INCENP: variants seen among roughly 807,000 people sequenced by gnomAD.
The protein encoded by INCENP is binds and activates aurora-B and -C in vivo and in vitro.
INCENP carries 43 observed loss-of-function variants against 107.3 expected under a neutral mutation model. That is an observed-to-expected ratio of 0.40 (90% CI 0.31 to 0.52). The LOEUF is 0.52. INCENP is among the 20% of genes least tolerant of loss of function. The pLI is 0.53. For synonymous variants in INCENP, 488 were observed against 494.4 expected (o/e 0.99, Z 0.17); for missense variants, 1,089 against 1,250.9 (o/e 0.87, Z 1.95).
rs1046183168 is a variant in INCENP at position 62,152,315 on chromosome 11, A to G, written c.*339A>G. On this transcript the variant is annotated 3_prime_UTR_variant, in exon 19 of 19. Coordinates refer to ENST00000394818, the MANE Select transcript of INCENP (RefSeq NM_001040694.2). Reference sequence around the variant, plus strand: ...CGTTTGGGAGGTAGATTAATAAAGTATATTCCTTCAAGCCTGCTGTTGATA... The same window carrying G: ...CGTTTGGGAGGTAGATTAATAAAGTGTATTCCTTCAAGCCTGCTGTTGATA... The G allele has an allele frequency of 2.8e-5, 9 of 326,666 alleles. No individual in the cohort carries two copies. The highest frequency in any genetic ancestry group is 1.7e-4 in the African/African-American group (8 of 46,640). The allele number at this position is 326,666 out of a possible 1,614,324, so 20.2% of individuals were successfully genotyped here. A position where few individuals can be genotyped will look rare whatever the true frequency, so the allele number is the denominator to read the frequency against.
At chr11:62,137,764 TG>T in intron 4 of INCENP, 67 bp from the exon 5 acceptor site, 1 of 1,463,110 alleles carries the variant, frequency 6.8e-7, no homozygotes, top group Non-Finnish European at 9.6e-7. Flanking sequence ...CCCGGTCCCC[TG>T]GACCCCTTAG....
At chr11:62,139,473 C>G (rs3781973) in intron 7 of INCENP, among the ~76,000 whole-genome samples, 42,814 of 152,108 alleles carry the variant, frequency 0.28, 6,531 homozygotes, top group South Asian at 0.4. Context: ...CTCACATCTC[C>G]CTGAGAAGGG....
At chr11:62,132,547 C>T (rs60379502) in intron 4 of INCENP, among the ~76,000 whole-genome samples, 1 of 152,202 alleles carries the variant, frequency 6.6e-6, no homozygotes, top group Admixed American at 6.5e-5. Context: ...TGGAGATTTT[C>T]TCAGGCCTGG....
rs1944388933 is a variant in INCENP at position 62,152,096 on chromosome 11, A to G, written c.*120A>G. 2 of 510,286 alleles carry G rather than the reference A, an allele frequency of 3.9e-6. No homozygotes were observed. The highest frequency in any genetic ancestry group is 3.0e-6 in the Non-Finnish European group (1 of 329,752). The allele number at this position is 510,286 out of a possible 1,614,324, so 31.6% of individuals were successfully genotyped here. A position where few individuals can be genotyped will look rare whatever the true frequency, so the allele number is the denominator to read the frequency against. On this transcript the variant is annotated 3_prime_UTR_variant, in exon 19 of 19. Coordinates refer to ENST00000394818, the MANE Select transcript of INCENP (RefSeq NM_001040694.2). ...GCATGCCATTGTGGAGGGCTTGGCC[A>G]GGTGTATATAAACGTCCTCTGTGCT...
chr11:62,128,425 T>G, intron 2 of INCENP, 124 bp downstream of exon 2: 1 of 1,008,454 alleles, frequency 9.9e-7, no homozygotes, highest in Non-Finnish European at 1.5e-6. Context: ...CAGGGCTCCC[T>G]GCTGTATACT....
At chr11:62,135,224 G>A (rs1943966396) in intron 4 of INCENP, among the ~76,000 whole-genome samples, 1 of 152,124 alleles carries the variant, frequency 6.6e-6, no homozygotes, top group Admixed American at 6.6e-5. Flanking sequence ...AAACCATGTT[G>A]CTGATTCCAC....
At chr11:62,147,877 G>A (rs1944287197) in intron 15 of INCENP, among the ~76,000 whole-genome samples, 1 of 152,166 alleles carries the variant, frequency 6.6e-6, no homozygotes, top group African/African-American at 2.4e-5. Flanking sequence ...CGGTGTGATA[G>A]TCATAGTGTC....
chr11:62,128,165 G>A lies in INCENP; in HGVS notation c.4G>A (p.Gly2Arg), dbSNP rs751178615. 49 of 1,614,020 alleles carry A rather than the reference G, an allele frequency of 3.0e-5. No individual in the cohort carries two copies. The highest frequency in any genetic ancestry group is 3.7e-5 in the Non-Finnish European group (44 of 1,180,018). Residue 2 changes from glycine to arginine, a missense_variant, in exon 2 of 19, where the codon GGG becomes AGG. Coordinates refer to ENST00000394818, the MANE Select transcript of INCENP (RefSeq NM_001040694.2). M[G>R]TTAPGPIHLL... ...GCCTTCACCAGACAGAGCCACCATG[G>A]GGACGACGGCCCCAGGGCCCATTCA...
At chr11:62,143,705 T>C (rs1944173946) in intron 11 of INCENP, among the ~76,000 whole-genome samples, 3 of 152,128 alleles carry the variant, frequency 2.0e-5, no homozygotes, top group Admixed American at 2.0e-4. Context: ...CCAGTTAGGC[T>C]CAGAAGCCAA....
At chr11:62,135,955 G>A (rs1020432363) in intron 4 of INCENP, among the ~76,000 whole-genome samples, 3 of 152,016 alleles carry the variant, frequency 2.0e-5, no homozygotes, top group South Asian at 2.1e-4. Flanking sequence ...GACTACAGGC[G>A]CCCACCACTA....
intron 3 of INCENP, among the ~76,000 whole-genome samples, chr11:62,129,448 G>T (rs1013997372): frequency 1.3e-5 from 2 of 152,200 alleles, no homozygotes; most frequent in Admixed American, 1.3e-4. Context: ...TCTCAAGGGC[G>T]TGCTCTGGAT....
Position 62,145,305 on chromosome 11 carries a change from G to A in INCENP, c.1836+16G>A, listed in dbSNP as rs901766995. The A allele has an allele frequency of 6.2e-7, 1 of 1,613,528 alleles. No homozygotes were observed. The highest frequency in any genetic ancestry group is 8.5e-7 in the Non-Finnish European group (1 of 1,179,934). The stretch of plus-strand genomic sequence containing the variant: ...GACTGAGAAGGTGGGAGCCTGGGCT[G>A]TGGAGGCCCAGGCAATTCAGGACTT... On this transcript the variant is annotated intron_variant, in intron 13 of 18. Transcript: ENST00000394818.
At chr11:62,127,562 T>G (rs1256640959) in intron 1 of INCENP, among the ~76,000 whole-genome samples, 2 of 152,212 alleles carry the variant, frequency 1.3e-5, no homozygotes, top group Non-Finnish European at 2.9e-5. Context: ...GATCACTACT[T>G]TCTCACTCAT....
intron 18 of INCENP, among the ~76,000 whole-genome samples, chr11:62,150,839 C>A (rs1311429229): frequency 2.0e-5 from 3 of 152,086 alleles, no homozygotes; most frequent in Non-Finnish European, 4.4e-5. Flanking sequence ...CCCGTGGGTA[C>A]CATGGGTGCC....
At position 62,149,934 on chromosome 11, in the gene INCENP, A is replaced by C. The variant is rs192691995; in HGVS notation, c.2392-123A>C. ...GATTCTGTCTCAAAAAAAAAGAAAA[A>C]GTGATCCTGCACCTTTTGTTTCTCC... is the stretch of plus-strand genomic sequence containing the variant. On this transcript the variant is annotated intron_variant, in intron 17 of 18. Coordinates refer to ENST00000394818, the MANE Select transcript of INCENP (RefSeq NM_001040694.2). The C allele has an allele frequency of 6.6e-3, 6,470 of 974,302 alleles. 35 individuals are homozygous for C. The highest frequency in any genetic ancestry group is 8.9e-3 in the Middle Eastern group (40 of 4,498). The allele number at this position is 974,302 out of a possible 1,614,324, so 60.4% of individuals were successfully genotyped here. A position where few individuals can be genotyped will look rare whatever the true frequency, so the allele number is the denominator to read the frequency against.
chr11:62,139,251 G>T (rs1467441183), intron 7 of INCENP, among the ~76,000 whole-genome samples: 1 of 152,162 alleles, frequency 6.6e-6, no homozygotes, highest in Non-Finnish European at 1.5e-5. Context: ...AGCAGAGGAA[G>T]GGGCTGCATC....
chr11:62,128,039 G>A (rs772409306), intron 1 of INCENP, 112 bp from the exon 2 acceptor site: 6 of 1,033,106 alleles, frequency 5.8e-6, no homozygotes, highest in Non-Finnish European at 7.3e-6. Context: ...CCCTGGTTCG[G>A]GCACTGGGTG....
chr11:62,126,625 AT>A (rs1373359599), intron 1 of INCENP, among the ~76,000 whole-genome samples: 1 of 152,168 alleles, frequency 6.6e-6, no homozygotes, highest in African/African-American at 2.4e-5. Context: ...CTGTTGGGAT[AT>A]TTAATGAGCC....
chr11:62,145,721 G>A lies in INCENP; in HGVS notation c.1929G>A (p.Glu643=). 1.3e-6 allele frequency: 2 copies of A among 1,556,914 alleles called. No individual in the cohort carries two copies. Among genetic ancestry groups the A allele is most frequent in the South Asian group, 1.2e-5 (1 of 84,354 alleles). ...TGGAAGCACGCAGGAAGCAGGAAGA[G>A]GAGGCACGTAGGCTCAGGTGGCTGC... is the stretch of plus-strand genomic sequence containing the variant. ...EEVEARRKQE[E]EARRLRWLQQ... Residue 643 remains glutamate, a synonymous_variant, in exon 14 of 19, where the codon GAG becomes GAA. Transcript: ENST00000394818.
Sources: gnomAD v4.1 joint callset for allele counts (sites outside exome capture counted in the v4.1 genomes callset) on GRCh38, gnomAD v4.1.1 for gene constraint, MANE v1.5 for transcripts, NCBI Gene and HGNC (gene_info 2026-07-23, HGNC 2026-07-21) for gene names.